GPHN: variants seen among roughly 807,000 people sequenced by gnomAD.
GPHN encodes the protein gephyrin.
Under a neutral mutation model 95.5 loss-of-function variants are expected in GPHN, and 17 were observed. That is an observed-to-expected ratio of 0.18 (90% confidence interval 0.12 to 0.27). The LOEUF (loss-of-function observed/expected upper bound fraction) is 0.27. GPHN is among the 10% of genes least tolerant of loss of function. The probability of loss-of-function intolerance (pLI) is 1.00; values close to 1 mark genes in which losing one functional copy is unlikely to be tolerated. For synonymous variants in GPHN, 320 were observed against 322.5 expected (o/e 0.99, Z 0.08); for missense variants, 660 against 978.1 (o/e 0.67, Z 4.34).
chr14:66,720,204 C>CAATTGTCTAAAGATTGTCTAAAAT (rs927039309), intron 2 of GPHN, among the ~76,000 whole-genome samples: 4 of 152,024 alleles, frequency 2.6e-5, no homozygotes, highest in African/African-American at 9.7e-5. Context: ...AGTACATTTT[C>CAATTGTCTAAAGATTGTCTAAAAT]AATTGTCTAA....
intron 5 of GPHN, among the ~76,000 whole-genome samples, chr14:66,881,650 A>T (rs2063934975): frequency 6.6e-6 from 1 of 151,924 alleles, no homozygotes; most frequent in East Asian, 1.9e-4. Context: ...CTTCAAATTG[A>T]ATGTAGCTTT....
intron 10 of GPHN, among the ~76,000 whole-genome samples, chr14:67,046,617 G>A (rs1412161731): frequency 1.3e-5 from 2 of 152,140 alleles, no homozygotes; most frequent in African/African-American, 4.8e-5. Flanking sequence ...AGAAATCTCA[G>A]GAGAACTTCC....
the GPHN span, among the ~76,000 whole-genome samples, chr14:67,554,010 TGG>T: frequency 2.6e-5 from 4 of 152,186 alleles, no homozygotes; most frequent in Admixed American, 2.6e-4. Flanking sequence ...TTGTCCCATA[TGG>T]GTTGTAAGTC....
intron 9 of GPHN, among the ~76,000 whole-genome samples, chr14:66,997,414 G>A (rs1240365997): frequency 6.9e-6 from 1 of 144,154 alleles, no homozygotes; most frequent in Non-Finnish European, 1.5e-5. Context: ...TGAATTTTAA[G>A]ACCTTCATTC....
the GPHN span, among the ~76,000 whole-genome samples, chr14:67,504,315 C>T: frequency 1.3e-5 from 2 of 152,148 alleles, no homozygotes; most frequent in Non-Finnish European, 2.9e-5. Flanking sequence ...TGCCCAGGCT[C>T]AGTTTGTTTG....
At position 66,600,206 on chromosome 14, in the gene GPHN, A is replaced by G. The variant is rs112226405; in HGVS notation, c.65-80901A>G. On this transcript the variant is annotated intron_variant, in intron 1 of 22. Transcript: ENST00000478722. ...TTGGGGCCAATGTTATATATCTGTT[A>G]TATAAAAATAATTTGGAAATTTTCT... 3.6e-3 allele frequency among the ~76,000 whole-genome samples: 554 copies of G among 152,164 alleles called. 11 individuals are homozygous for G. Among genetic ancestry groups the G allele is most frequent in the African/African-American group, 0.013 (528 of 41,572 alleles).
intron 3 of GPHN, among the ~76,000 whole-genome samples, chr14:66,801,636 CCT>C (rs531649661): frequency 4.5e-4 from 61 of 134,422 alleles, no homozygotes; most frequent in African/African-American, 1.5e-3. Context: ...CTCTCTCCCC[CCT>C]CTCTCTCCTT....
the GPHN span, among the ~76,000 whole-genome samples, chr14:67,518,981 G>A: frequency 2.9e-3 from 437 of 152,336 alleles, 5 homozygotes; most frequent in African/African-American, 9.9e-3. Context: ...AAGAAGCATT[G>A]AAGTTGAAGC....
chr14:67,390,732 T>A, the GPHN span: 1 of 1,612,762 alleles, frequency 6.2e-7, no homozygotes, highest in Non-Finnish European at 8.5e-7. Context: ...CCTTCCAGTT[T>A]TTCCTCTTGT....
At chr14:66,524,035 T>C (rs992349540) in intron 1 of GPHN, among the ~76,000 whole-genome samples, 11 of 152,036 alleles carry the variant, frequency 7.2e-5, no homozygotes, top group African/African-American at 1.2e-4. Context: ...TTTTGAGATA[T>C]AGGTTTAAAG....
intron 1 of GPHN, among the ~76,000 whole-genome samples, chr14:66,518,372 C>T (rs530590673): frequency 6.6e-6 from 1 of 152,136 alleles, no homozygotes; most frequent in East Asian, 1.9e-4. Context: ...AAAGGGACCT[C>T]TTATATACTG....
intron 1 of GPHN, among the ~76,000 whole-genome samples, chr14:66,652,635 T>A (rs2065100355): frequency 6.6e-6 from 1 of 152,186 alleles, no homozygotes; most frequent in Non-Finnish European, 1.5e-5. Flanking sequence ...ACATATTGGC[T>A]GAGAGCTATT....
chr14:67,091,919 C>T (rs533311441), intron 12 of GPHN, among the ~76,000 whole-genome samples: 1 of 151,722 alleles, frequency 6.6e-6, no homozygotes, highest in Non-Finnish European at 1.5e-5. Flanking sequence ...TACCGTGAAG[C>T]TGATTCACAT....
the GPHN span, chr14:67,320,357 C>T: frequency 3.1e-6 from 5 of 1,611,928 alleles, no homozygotes; most frequent in African/African-American, 1.3e-5. Context: ...GTCAGAGGCT[C>T]ATGAACAAAG....
chr14:67,562,184 G>A, the GPHN span: 63 of 1,611,656 alleles, frequency 3.9e-5, no homozygotes, highest in South Asian at 6.1e-4. Flanking sequence ...CCCCTACGGA[G>A]CTGCAGAGCA....
the GPHN span, among the ~76,000 whole-genome samples, chr14:67,391,083 G>A: frequency 6.6e-6 from 1 of 152,092 alleles, no homozygotes; most frequent in Non-Finnish European, 1.5e-5. Context: ...GAGCACACAG[G>A]CAAACTTGAA....
chr14:66,696,614 T>C (rs991671667), intron 2 of GPHN, among the ~76,000 whole-genome samples: 1 of 152,220 alleles, frequency 6.6e-6, no homozygotes, highest in African/African-American at 2.4e-5. Context: ...ACCACCCTAC[T>C]CCTGCCAAAC....
At chr14:67,442,839 C>T in the GPHN span, among the ~76,000 whole-genome samples, 1 of 152,210 alleles carries the variant, frequency 6.6e-6, no homozygotes, top group Non-Finnish European at 1.5e-5. Flanking sequence ...GGAAAACAGG[C>T]AGGTGTATCC....
the GPHN span, among the ~76,000 whole-genome samples, chr14:67,532,259 C>T: frequency 6.6e-6 from 1 of 152,092 alleles, no homozygotes; most frequent in Non-Finnish European, 1.5e-5. Context: ...CTTCATGGTG[C>T]CTGGGATGAG....
Sources: gnomAD v4.1 joint callset for allele counts (sites outside exome capture counted in the v4.1 genomes callset) on GRCh38, gnomAD v4.1.1 for gene constraint, MANE v1.5 for transcripts, NCBI Gene and HGNC (gene_info 2026-07-23, HGNC 2026-07-21) for gene names.